Variants in BNC2 observed in about 807,000 individuals in gnomAD.
The protein encoded by BNC2 is basonuclin zinc finger protein 2, also known as zinc finger protein basonuclin-2.
Under a neutral mutation model 76.3 loss-of-function variants are expected in BNC2, and 20 were observed. The ratio of observed to expected loss-of-function variants is 0.26; its 90% CI spans 0.18 to 0.38. The LOEUF (loss-of-function observed/expected upper bound fraction) is 0.38, where lower values mean the gene tolerates loss of function less well. Among genes scored for constraint, BNC2 ranks in the 10% least tolerant of loss-of-function variants. The pLI, the probability that BNC2 is intolerant of heterozygous loss-of-function variation, is 1.00. For missense variants in BNC2, 1,382 were observed against 1,399.8 expected, an observed-to-expected ratio of 0.99 and a Z score of 0.20; for synonymous variants, 582 against 514.8, an observed-to-expected ratio of 1.13 and a Z score of -1.77.
chr9:16,809,610 C>T lies in BNC2; in HGVS notation c.3+61036G>A, dbSNP rs77671815. Among the ~76,000 whole-genome samples, 832 of 152,096 alleles carry T rather than the reference C, an allele frequency of 5.5e-3. 7 individuals carry two copies. The highest frequency in any genetic ancestry group is 0.019 in the African/African-American group (798 of 41,494). ...GAGTCTCCTGAACCAAGACCGAATG[C>T]GTTGTAATGTACTGAGTATTAGCTG... is the stretch of plus-strand genomic sequence containing the variant. On this transcript the variant is annotated intron_variant, in intron 1 of 6. Coordinates refer to ENST00000380672, the MANE Select transcript of BNC2 (RefSeq NM_017637.6).
chr9:16,726,227 T>C (rs1049870326), intron 3 of BNC2, among the ~76,000 whole-genome samples: 1 of 152,170 alleles, frequency 6.6e-6, no homozygotes, highest in African/African-American at 2.4e-5. Flanking sequence ...CTTGAAAGAA[T>C]GGGAAATTGC....
intron 3 of BNC2, among the ~76,000 whole-genome samples, chr9:16,639,762 T>G (rs572843970): frequency 2.0e-5 from 3 of 152,176 alleles, no homozygotes; most frequent in South Asian, 2.1e-4. Context: ...TACAAAAATT[T>G]TTTTTAATAC....
chr9:16,734,455 TTA>T (rs1290454667), intron 2 of BNC2, among the ~76,000 whole-genome samples: 3 of 119,158 alleles, frequency 2.5e-5, no homozygotes, highest in Admixed American at 1.8e-4. Flanking sequence ...GCCCCTCTCA[TTA>T]TAAGAGTCCA....
intron 6 of BNC2, 89 bp downstream of exon 6, chr9:16,435,466 A>C (rs1820987760): frequency 6.8e-7 from 1 of 1,470,518 alleles, no homozygotes; most frequent in Non-Finnish European, 9.5e-7. Context: ...AAAACATCTA[A>C]GTTGGATTTC....
intron 3 of BNC2, among the ~76,000 whole-genome samples, chr9:16,691,700 G>T (rs1160426448): frequency 6.6e-6 from 1 of 151,702 alleles, no homozygotes; most frequent in Non-Finnish European, 1.5e-5. Context: ...TAATAGAGAT[G>T]GGGTTTCACC....
At chr9:16,809,767 A>C (rs10810637) in intron 1 of BNC2, among the ~76,000 whole-genome samples, 2 of 151,908 alleles carry the variant, frequency 1.3e-5, no homozygotes, top group African/African-American at 4.8e-5. Context: ...ACAGTGCAAG[A>C]CTCTGTCTCA....
intron 3 of BNC2, among the ~76,000 whole-genome samples, chr9:16,624,044 ATATTT>A (rs1404500921): frequency 6.6e-6 from 1 of 152,208 alleles, no homozygotes; most frequent in African/African-American, 2.4e-5. Context: ...GTATTTTAAA[ATATTT>A]TAAAGTGCTA....
intron 3 of BNC2, among the ~76,000 whole-genome samples, chr9:16,706,242 C>T (rs1246343557): frequency 6.6e-6 from 1 of 152,200 alleles, no homozygotes; most frequent in African/African-American, 2.4e-5. Context: ...AGGATGTCTT[C>T]CAGATTGTCT....
chr9:16,542,992 G>A (rs368806314), intron 5 of BNC2, among the ~76,000 whole-genome samples: 11 of 152,216 alleles, frequency 7.2e-5, no homozygotes, highest in African/African-American at 2.6e-4. Context: ...TAGTCACAGA[G>A]GATTTCATTC....
intron 4 of BNC2, among the ~76,000 whole-genome samples, chr9:16,569,003 G>GTTTT (rs373012680): frequency 3.1e-4 from 42 of 135,726 alleles, no homozygotes; most frequent in African/African-American, 7.9e-4. Context: ...TGCTTCTAGA[G>GTTTT]TTTTTTTTTT....
At chr9:16,634,615 C>A (rs7046245) in intron 3 of BNC2, among the ~76,000 whole-genome samples, 50,383 of 151,262 alleles carry the variant, frequency 0.33, 8,645 homozygotes, top group Non-Finnish European at 0.36. Flanking sequence ...CATTCTAGTG[C>A]CTCAGCCTTC....
chr9:16,513,274 C>T (rs1464085476), intron 5 of BNC2, among the ~76,000 whole-genome samples: 1 of 149,314 alleles, frequency 6.7e-6, no homozygotes, highest in Non-Finnish European at 1.5e-5. Context: ...TATGAAGACA[C>T]GGGTCTAAGA....
At chr9:16,659,902 T>TGG (rs1444270842) in intron 3 of BNC2, among the ~76,000 whole-genome samples, 2 of 152,194 alleles carry the variant, frequency 1.3e-5, no homozygotes, top group African/African-American at 4.8e-5. Context: ...TCCACTAGAA[T>TGG]ATAATCTCCA....
At chr9:16,673,036 T>TG (rs961345973) in intron 3 of BNC2, among the ~76,000 whole-genome samples, 2 of 152,110 alleles carry the variant, frequency 1.3e-5, no homozygotes, top group South Asian at 2.1e-4. Flanking sequence ...TGTTTAGTTT[T>TG]GGGGGGGTTT....
chr9:16,514,600 A>AT (rs1282232341), intron 5 of BNC2, among the ~76,000 whole-genome samples: 15 of 152,218 alleles, frequency 9.9e-5, no homozygotes, highest in African/African-American at 3.4e-4. Flanking sequence ...TTCCTCTCTT[A>AT]TTTATCTTTC....
intron 1 of BNC2, among the ~76,000 whole-genome samples, chr9:16,753,486 A>C (rs772233636): frequency 6.6e-6 from 1 of 152,264 alleles, no homozygotes; most frequent in Non-Finnish European, 1.5e-5. Context: ...TGATTCAGTG[A>C]CTAAACAGGG....
chr9:16,616,837 A>AAGGAAGGAAGGAAGGAAGGCAGGC (rs1431416345), intron 3 of BNC2, among the ~76,000 whole-genome samples: 3 of 149,932 alleles, frequency 2.0e-5, no homozygotes, highest in African/African-American at 7.3e-5. Flanking sequence ...GGAAGGAAGG[A>AAGGAAGGAAGGAAGGAAGGCAGGC]AGTTCTACTG....
At chr9:16,741,561 G>A (rs968404421) in intron 1 of BNC2, among the ~76,000 whole-genome samples, 1 of 152,144 alleles carries the variant, frequency 6.6e-6, no homozygotes, top group Non-Finnish European at 1.5e-5. Context: ...TAAACAAGCT[G>A]ACTGGGTCCA....
At chr9:16,464,094 C>CAAAA (rs1324549679) in intron 5 of BNC2, among the ~76,000 whole-genome samples, 73 of 32,934 alleles carry the variant, frequency 2.2e-3, no homozygotes, top group Non-Finnish European at 2.6e-3. Flanking sequence ...ACCCTGTCTC[C>CAAAA]AAAAAAAAAA....
Sources: gnomAD v4.1 joint callset for allele counts (sites outside exome capture counted in the v4.1 genomes callset) on GRCh38, gnomAD v4.1.1 for gene constraint, MANE v1.5 for transcripts, NCBI Gene and HGNC (gene_info 2026-07-23, HGNC 2026-07-21) for gene names.